The following USP44 variants were observed in gnomAD, a reference collection of about 807,000 sequenced individuals.
USP44 encodes ubiquitin carboxyl-terminal hydrolase 44.
In USP44, 61 loss-of-function variants were observed where a neutral mutation model predicts 69.0. That is an observed-to-expected ratio of 0.88 (90% confidence interval 0.72 to 1.09). The LOEUF (loss-of-function observed/expected upper bound fraction) is 1.09, where lower values mean the gene tolerates loss of function less well. Among genes scored for constraint, USP44 ranks in the 50% least tolerant of loss-of-function variants. The pLI, the probability that USP44 is intolerant of heterozygous loss-of-function variation, is 0.00. For synonymous variants in USP44, 297 were observed against 295.4 expected (o/e 1.01, Z -0.06); for missense variants, 753 against 849.9 (o/e 0.89, Z 1.42).
chr12:95,531,840 A>C (rs181177885), intron 2 of USP44, among the ~76,000 whole-genome samples: 229 of 152,304 alleles, frequency 1.5e-3, no homozygotes, highest in Non-Finnish European at 2.5e-3. Context: ...ATTTTGTTTA[A>C]ATTTGTGTGT....
rs2076536310 is a variant in USP44, at chr12:95,518,218, A to C, written c.2075T>G (p.Leu692Arg). The change falls in exon 6 of 6, where the codon CTC (leucine) becomes CGC (arginine). Residue 692 changes from leucine to arginine, a missense_variant. Physicochemically the swap from Leu to Arg is moderately radical, Grantham distance 102 (BLOSUM62 -2). Transcript: ENST00000258499. ...NGHSKLLPPE[L>R]LLGSQHPNED... is the part of the protein sequence containing the mutation. Reference sequence around the variant, plus strand: ...ATTGGGATGTTGGCTCCCCAACAGGAGCTCTGGAGGCAAAAGTTTAGAATG... The same window carrying C: ...ATTGGGATGTTGGCTCCCCAACAGGCGCTCTGGAGGCAAAAGTTTAGAATG... 1 of 1,614,090 alleles carries C rather than the reference A, an allele frequency of 6.2e-7. No individual in the cohort carries two copies. The highest frequency in any genetic ancestry group is 8.5e-7 in the Non-Finnish European group (1 of 1,180,044).
At chr12:95,530,208 T>G (rs188250756) in intron 2 of USP44, among the ~76,000 whole-genome samples, 131 of 152,292 alleles carry the variant, frequency 8.6e-4, no homozygotes, top group African/African-American at 3.1e-3. Context: ...TTTCACAAAT[T>G]GACACAAAGA....
rs1565794235 is a variant in USP44 at position 95,517,336 on chromosome 12, C to G, written c.*818G>C. On this transcript the variant is annotated 3_prime_UTR_variant, in exon 6 of 6. Coordinates refer to ENST00000258499, the MANE Select transcript of USP44 (RefSeq NM_032147.5). The stretch of plus-strand genomic sequence containing the variant: ...AAAGTTTTAAGAGATCTAATGTCAT[C>G]AGACATTATAAAATGAACTCATACC... 6.6e-6 allele frequency: 1 copy of G among 152,022 alleles called. No homozygotes were observed. The highest frequency in any genetic ancestry group is 1.5e-5 in the Non-Finnish European group (1 of 67,996). 9.4% of individuals were successfully genotyped at this position (152,022 alleles called of 1,614,324 possible).
chr12:95,538,550 G>T (rs1201464650), intron 1 of USP44, among the ~76,000 whole-genome samples: 2 of 150,592 alleles, frequency 1.3e-5, no homozygotes, highest in Non-Finnish European at 3.0e-5. Flanking sequence ...AAAAGGGGGG[G>T]GTCTCTCAAA....
At chr12:95,520,954 CTCCAAG>C (rs759051638) in intron 5 of USP44, 37 bp downstream of exon 5, 10 of 1,588,466 alleles carry the variant, frequency 6.3e-6, no homozygotes, top group African/African-American at 1.3e-5. Context: ...GAACTCCAGC[CTCCAAG>C]TCCAACCCAA....
At chr12:95,541,887 T>C (rs928621659) in intron 1 of USP44, among the ~76,000 whole-genome samples, 7 of 150,156 alleles carry the variant, frequency 4.7e-5, no homozygotes, top group Non-Finnish European at 1.0e-4. Flanking sequence ...TTTTTTTTTT[T>C]TTTTTTTTTT....
In USP44 at chr12:95,529,754, C is replaced by A. The variant is rs139870790; in HGVS notation, c.1429-752G>T. Among the ~76,000 whole-genome samples, 704 of 152,214 alleles carry A rather than the reference C, an allele frequency of 4.6e-3. 7 individuals carry two copies. The highest frequency in any genetic ancestry group is 0.016 in the African/African-American group (675 of 41,538). On this transcript the variant is annotated intron_variant, in intron 2 of 5. Coordinates refer to ENST00000258499, the MANE Select transcript of USP44 (RefSeq NM_032147.5). ...ATCTTTTGCTGATTTTTCTTCCTAA[C>A]CCCAAATCCTATAACCTCTTAACCC...
intron 1 of USP44, among the ~76,000 whole-genome samples, chr12:95,537,342 A>G (rs2077237890): frequency 2.0e-5 from 3 of 152,228 alleles, no homozygotes; most frequent in South Asian, 2.1e-4. Flanking sequence ...TTTTTGAGAC[A>G]GAGTCTCACT....
In USP44 at chr12:95,518,108, A is replaced by G. The variant is rs1397389172; in HGVS notation, c.*46T>C. 1 of 1,587,504 alleles carries G rather than the reference A, an allele frequency of 6.3e-7. No homozygotes were observed. Among genetic ancestry groups the G allele is most frequent in the Non-Finnish European group, 8.6e-7 (1 of 1,163,232 alleles). On this transcript the variant is annotated 3_prime_UTR_variant, in exon 6 of 6. Transcript: ENST00000258499. The stretch of plus-strand genomic sequence containing the variant: ...TTAAAATGGTACATCAGTCTTTTAA[A>G]AAGTATATATATAAATCACAGGAAG...
At chr12:95,537,528 AG>A (rs1352110560) in intron 1 of USP44, among the ~76,000 whole-genome samples, 4 of 152,082 alleles carry the variant, frequency 2.6e-5, no homozygotes, top group Non-Finnish European at 5.9e-5. Context: ...CATGTTGGCC[AG>A]GCTAGTCTTG....
chr12:95,524,554 A>G, intron 4 of USP44, 126 bp downstream of exon 4: 1 of 659,782 alleles, frequency 1.5e-6, no homozygotes, highest in Non-Finnish European at 2.5e-6. Flanking sequence ...ATATGATATT[A>G]AAAGTTAATT....
At chr12:95,518,921 T>C (rs1232446681) in intron 5 of USP44, among the ~76,000 whole-genome samples, 6 of 141,546 alleles carry the variant, frequency 4.2e-5, no homozygotes, top group Non-Finnish European at 7.5e-5. Flanking sequence ...GCCTGGGTGA[T>C]AGAGGGACTG....
Position 95,518,107 on chromosome 12 carries a change from A to AAAAGT in USP44, c.*42_*46dup. ...TTTAAAATGGTACATCAGTCTTTTA[A>AAAAGT]AAAGTATATATATAAATCACAGGAA... On this transcript the variant is annotated 3_prime_UTR_variant, in exon 6 of 6. Coordinates refer to ENST00000258499, the MANE Select transcript of USP44 (RefSeq NM_032147.5). 1 of 1,586,596 alleles carries AAAAGT rather than the reference A, an allele frequency of 6.3e-7. No homozygotes were observed. Among genetic ancestry groups the AAAAGT allele is most frequent in the Non-Finnish European group, 8.6e-7 (1 of 1,162,264 alleles).
intron 4 of USP44, among the ~76,000 whole-genome samples, chr12:95,524,347 G>T (rs1007284344): frequency 1.3e-4 from 19 of 151,126 alleles, no homozygotes; most frequent in Middle Eastern, 3.2e-3. Flanking sequence ...CTCCCAAAGT[G>T]CTGGGATTAC....
chr12:95,527,603 G>C (rs2076884918), intron 3 of USP44, among the ~76,000 whole-genome samples: 2 of 151,840 alleles, frequency 1.3e-5, no homozygotes, highest in Non-Finnish European at 2.9e-5. Context: ...TCCTGCCTCA[G>C]CCTCCCAAGT....
chr12:95,528,987 A>G lies in USP44; in HGVS notation c.1444T>C (p.Cys482Arg). 6.2e-7 allele frequency: 1 copy of G among 1,611,724 alleles called. No homozygotes were observed. Among genetic ancestry groups the G allele is most frequent in the Non-Finnish European group, 8.5e-7 (1 of 1,178,998 alleles). Reference protein sequence around the residue: ...QLLSQVTCLACDNKSNTIEPF... With the variant: ...QLLSQVTCLARDNKSNTIEPF... ...TCTATGGTATTTGATTTGTTGTCAC[A>G]TGCAAGACATGTAACCTGCAAATGA... The change falls in exon 3 of 6, where the codon TGT becomes CGT. Residue 482 changes from cysteine to arginine, a missense_variant. By Grantham distance (180) the Cys-to-Arg change is radical (BLOSUM62 -3). Coordinates refer to ENST00000258499, the MANE Select transcript of USP44 (RefSeq NM_032147.5).
At chr12:95,545,404 C>G (rs34398280) in intron 1 of USP44, among the ~76,000 whole-genome samples, 2,726 of 151,862 alleles carry the variant, frequency 0.018, 32 homozygotes, top group Non-Finnish European at 0.026. Flanking sequence ...ACAAACCAAA[C>G]AGATCCTCTA....
chr12:95,542,642 A>G (rs1204163741), intron 1 of USP44, among the ~76,000 whole-genome samples: 1 of 151,836 alleles, frequency 6.6e-6, no homozygotes, highest in Non-Finnish European at 1.5e-5. Flanking sequence ...GGCACCCATA[A>G]TCCCAGCTAC....
intron 3 of USP44, among the ~76,000 whole-genome samples, chr12:95,526,746 C>G (rs993004731): frequency 4.6e-5 from 7 of 151,912 alleles, no homozygotes; most frequent in Non-Finnish European, 8.8e-5. Context: ...TTATTTAAAG[C>G]CTTAGAATCT....
Sources: gnomAD v4.1 joint callset for allele counts (sites outside exome capture counted in the v4.1 genomes callset) on GRCh38, gnomAD v4.1.1 for gene constraint, MANE v1.5 for transcripts, NCBI Gene and HGNC (gene_info 2026-07-23, HGNC 2026-07-21) for gene names.